TMEM71: variants seen among roughly 807,000 people sequenced by gnomAD.
TMEM71 encodes transmembrane protein 71.
Under a neutral mutation model 38.0 loss-of-function variants are expected in TMEM71, and 44 were observed. The observed-to-expected ratio is 1.16, with a 90% CI of 0.91 to 1.49. The LOEUF (loss-of-function observed/expected upper bound fraction) is 1.49. Ranked by LOEUF, TMEM71 falls within the 40% of genes most tolerant of loss-of-function variation. TMEM71 has a pLI of 0.00. For missense variants in TMEM71, 367 were observed against 348.6 expected (o/e 1.05, Z -0.42); for synonymous variants, 133 against 122.5 (o/e 1.09, Z -0.56).
intron 7 of TMEM71, among the ~76,000 whole-genome samples, chr8:132,716,262 G>A (rs1340722109): frequency 6.6e-6 from 1 of 152,154 alleles, no homozygotes. Context: ...GCTAGGCCCG[G>A]GTGCTATCGC....
intron 5 of TMEM71, among the ~76,000 whole-genome samples, chr8:132,745,056 C>T (rs1828260690): frequency 6.6e-6 from 1 of 152,112 alleles, no homozygotes. Flanking sequence ...TAAGACCTCC[C>T]TTAACCTATA....
chr8:132,722,145 A>C (rs758410501), intron 6 of TMEM71, 30 bp from the exon 7 acceptor site: 1 of 1,529,316 alleles, frequency 6.5e-7, no homozygotes, highest in Non-Finnish European at 9.1e-7. Flanking sequence ...CAAATAAATT[A>C]GAAATCATTG....
rs751403320 is a variant in TMEM71 at position 132,751,839 on chromosome 8, T to C, written c.260A>G (p.Asn87Ser). 6.2e-7 allele frequency: 1 copy of C among 1,614,000 alleles called. No homozygotes were observed. Among genetic ancestry groups the C allele is most frequent in the Admixed American group, 1.7e-5 (1 of 60,024 alleles). ...EDSFLCDKDG[N>S]ITLNPSQTSV... ...GGTCTGGGATGGGTTCAGAGTTATGTTGCCATCTTTGTCGCACAGGAAGCT... is the reference window on the plus strand; with the variant it reads ...GGTCTGGGATGGGTTCAGAGTTATGCTGCCATCTTTGTCGCACAGGAAGCT... Residue 87 changes from asparagine to serine, a missense_variant, in exon 4 of 10, where the codon AAC (asparagine) becomes AGC (serine). Transcript: ENST00000677595.
At chr8:132,774,134 A>T in the TMEM71 span, among the ~76,000 whole-genome samples, 1 of 152,190 alleles carries the variant, frequency 6.6e-6, no homozygotes, top group Non-Finnish European at 1.5e-5. Context: ...AGCCAAAGCA[A>T]ATCAAATAGC....
At chr8:132,706,091 T>A (rs753940879), downstream of TMEM71, among the ~76,000 whole-genome samples, 2 of 152,124 alleles carry the variant, frequency 1.3e-5, no homozygotes, top group Non-Finnish European at 2.9e-5. Flanking sequence ...AAGACAGCCA[T>A]CTGCAAACCA....
intron 5 of TMEM71, among the ~76,000 whole-genome samples, chr8:132,746,416 C>CACATATATAT (rs1318983830): frequency 0.048 from 833 of 17,426 alleles, 8 homozygotes; most frequent in East Asian, 0.075. Flanking sequence ...TATATACACA[C>CACATATATAT]ACATATATAT....
At chr8:132,713,428 G>A (rs1220724795) in intron 9 of TMEM71, among the ~76,000 whole-genome samples, 2 of 152,184 alleles carry the variant, frequency 1.3e-5, no homozygotes, top group Admixed American at 6.5e-5. Context: ...AGCCATGTGA[G>A]TTTGCCTCTG....
intron 2 of TMEM71, chr8:132,758,041 G>A (rs2467961): frequency 0.38 from 57,280 of 151,842 alleles, 11,178 homozygotes; most frequent in Non-Finnish European, 0.44. Flanking sequence ...TGCATATTAA[G>A]ACACTTCTAC....
At chr8:132,733,116 T>C (rs983470156) in intron 5 of TMEM71, among the ~76,000 whole-genome samples, 2 of 152,328 alleles carry the variant, frequency 1.3e-5, no homozygotes, top group African/African-American at 4.8e-5. Flanking sequence ...GATTTTATCA[T>C]TGTTACAGAA....
rs775783273 is a variant in TMEM71 at position 132,747,058 on chromosome 8, C to T, written c.371G>A (p.Ser124Asn). 6.2e-7 allele frequency: 1 copy of T among 1,613,560 alleles called. No homozygotes were observed. Among genetic ancestry groups the T allele is most frequent in the Non-Finnish European group, 8.5e-7 (1 of 1,179,804 alleles). ...CHSFSSLFNL[S>N]TSKSWLHGSI... ...TCCATGCAGCCAAGATTTGGAGGTA[C>T]TGAGGTTGAAGAGAGAAGAAAAGGA... Residue 124 changes from serine to asparagine, a missense_variant, in exon 5 of 10, where the codon AGT becomes AAT. Coordinates refer to ENST00000677595, the MANE Select transcript of TMEM71 (RefSeq NM_001382403.1).
chr8:132,707,806 T>C (rs1826114817), downstream of TMEM71, among the ~76,000 whole-genome samples: 1 of 152,182 alleles, frequency 6.6e-6, no homozygotes, highest in Admixed American at 6.5e-5. Flanking sequence ...CTATTTTCTG[T>C]TTTTCTCGTA....
chr8:132,729,050 C>G, intron 5 of TMEM71, among the ~76,000 whole-genome samples: 1 of 152,174 alleles, frequency 6.6e-6, no homozygotes, highest in East Asian at 1.9e-4. Flanking sequence ...TTTACTTGCC[C>G]TAAACTTAGC....
the TMEM71 span, among the ~76,000 whole-genome samples, chr8:132,765,834 G>A: frequency 1.3e-5 from 2 of 151,742 alleles, no homozygotes; most frequent in Admixed American, 6.6e-5. Context: ...TGTCGCCCAG[G>A]CTAGAGTGCA....
chr8:132,724,891 A>G (rs1373949985), intron 6 of TMEM71, among the ~76,000 whole-genome samples: 1 of 152,130 alleles, frequency 6.6e-6, no homozygotes, highest in East Asian at 1.9e-4. Context: ...CCCTTCCAAA[A>G]CCAATAAAAC....
intron 5 of TMEM71, among the ~76,000 whole-genome samples, chr8:132,729,899 T>C (rs1219882092): frequency 6.6e-6 from 1 of 152,118 alleles, no homozygotes; most frequent in Non-Finnish European, 1.5e-5. Flanking sequence ...TTGGCCTATG[T>C]AGTGGGTGGG....
chr8:132,756,411 T>TTATATATATATATATATATATA (rs55767264), intron 3 of TMEM71, among the ~76,000 whole-genome samples: 1 of 115,836 alleles, frequency 8.6e-6, no homozygotes, highest in African/African-American at 4.1e-5. Flanking sequence ...AACATATATA[T>TTATATATATATATATATATATA]TATATATATA....
chr8:132,716,510 C>T (rs1826543316), intron 7 of TMEM71, among the ~76,000 whole-genome samples: 1 of 152,146 alleles, frequency 6.6e-6, no homozygotes, highest in Non-Finnish European at 1.5e-5. Context: ...ACAGTGATGC[C>T]TCTTTTTATC....
At chr8:132,721,546 T>C (rs1205033923) in intron 7 of TMEM71, among the ~76,000 whole-genome samples, 1 of 151,722 alleles carries the variant, frequency 6.6e-6, no homozygotes. Flanking sequence ...TTTCTTTTTT[T>C]TTTGTCTTTT....
the TMEM71 span, chr8:132,775,375 C>T: frequency 2.7e-6 from 1 of 366,146 alleles, no homozygotes; most frequent in African/African-American, 2.1e-5. Context: ...TCGCCGGGGC[C>T]CGGCGTCGCG....
Sources: gnomAD v4.1 joint callset for allele counts (sites outside exome capture counted in the v4.1 genomes callset) on GRCh38, gnomAD v4.1.1 for gene constraint, MANE v1.5 for transcripts, NCBI Gene and HGNC (gene_info 2026-07-23, HGNC 2026-07-21) for gene names.